OC90: variants seen among roughly 807,000 people sequenced by gnomAD.
The protein encoded by OC90 is otoconin 90, also known as otoconin-90.
In OC90, 46 loss-of-function variants were observed where a neutral mutation model predicts 47.3. That is an observed-to-expected ratio of 0.97 (90% CI 0.77 to 1.24). The LOEUF (loss-of-function observed/expected upper bound fraction) is 1.24. Ranked by LOEUF, OC90 falls within the 50% of genes most tolerant of loss-of-function variation. The pLI, the probability that OC90 is intolerant of heterozygous loss-of-function variation, is 0.00. For synonymous variants in OC90, 271 were observed against 219.5 expected (o/e 1.23, Z -2.07); for missense variants, 688 against 583.9 (o/e 1.18, Z -1.84).
At chr8:132,045,592 C>T (rs1308917182) in intron 3 of OC90, among the ~76,000 whole-genome samples, 2 of 152,154 alleles carry the variant, frequency 1.3e-5, no homozygotes, top group Admixed American at 1.3e-4. Flanking sequence ...TGACCTTTGT[C>T]TTTGACAGAA....
chr8:132,041,398 G>A, intron 5 of OC90, 127 bp downstream of exon 5: 1 of 779,974 alleles, frequency 1.3e-6, no homozygotes, highest in Non-Finnish European at 2.1e-6. Flanking sequence ...AGTAGGTAGT[G>A]GAATTAAACC....
At chr8:132,039,678 T>G (rs1414261645) in intron 6 of OC90, among the ~76,000 whole-genome samples, 1 of 152,102 alleles carries the variant, frequency 6.6e-6, no homozygotes, top group Non-Finnish European at 1.5e-5. Flanking sequence ...CACTCCCTCC[T>G]CATCAACCCA....
intron 6 of OC90, among the ~76,000 whole-genome samples, chr8:132,039,548 G>C (rs563681088): frequency 3.9e-4 from 60 of 152,196 alleles, no homozygotes; most frequent in African/African-American, 1.4e-3. Context: ...CCTTTATTCT[G>C]TTCAGAACGT....
At chr8:132,038,669 T>G (rs1478617059) in intron 8 of OC90, 121 bp downstream of exon 8, 4 of 780,976 alleles carry the variant, frequency 5.1e-6, no homozygotes, top group Non-Finnish European at 8.8e-6. Flanking sequence ...CAGGACCACT[T>G]CCAGTGTCAC....
intron 9 of OC90, chr8:132,036,544 G>A (rs1248695091): frequency 9.9e-6 from 7 of 707,468 alleles, no homozygotes; most frequent in African/African-American, 3.4e-5. Flanking sequence ...CAGGGCATAT[G>A]GCTGCACAAT....
At chr8:132,034,911 C>G (rs947550734) in intron 9 of OC90, 77 bp from the exon 10 acceptor site, 17 of 1,014,442 alleles carry the variant, frequency 1.7e-5, no homozygotes, top group Non-Finnish European at 2.5e-5. Context: ...GCTCTTCCCA[C>G]CCACTGCACA....
At position 132,029,188 on chromosome 8, in the gene OC90, A is replaced by C; in HGVS notation, c.1032-9T>G. On this transcript the variant is annotated splice_polypyrimidine_tract_variant and intron_variant, in intron 12 of 13. Transcript: ENST00000254627. ...GATGGGACAAGCAGCACCTAAGACC[A>C]AGGAAAACCCTTTACTTCTCAGAGC... The C allele has an allele frequency of 6.2e-7, 1 of 1,608,086 alleles. No homozygotes were observed. The highest frequency in any genetic ancestry group is 8.5e-7 in the Non-Finnish European group (1 of 1,174,624).
rs7386782 is a variant in OC90 at position 132,041,062 on chromosome 8, T to C, written c.439A>G (p.Ser147Gly). ...AKLSTEVNCV[S>G]KKIICESKDN... ...TGCTTACCACATATGATCTTCTTGC[T>C]GACACAATTGACCTCTGTGCTAAGT... Residue 147 changes from serine (S) to glycine (G), a missense_variant, in exon 6 of 14, where the codon AGC becomes GGC. Physicochemically the swap from Ser to Gly is moderately conservative, Grantham distance 56 (BLOSUM62 0). Transcript: ENST00000254627. 0.72 allele frequency: 1,148,826 copies of C among 1,597,024 alleles called. 414,573 individuals are homozygous for C. The highest frequency in any genetic ancestry group is 0.77 in the Admixed American group (45,957 of 59,956).
chr8:132,043,271 G>T (rs1319861594), intron 4 of OC90, among the ~76,000 whole-genome samples: 2 of 152,190 alleles, frequency 1.3e-5, no homozygotes, highest in Non-Finnish European at 2.9e-5. Context: ...GAAAGCATTT[G>T]TTTTGTCTGT....
rs144609860 is a variant in OC90 at position 132,041,952 on chromosome 8, T to C, written c.170-253A>G. Among the ~76,000 whole-genome samples the C allele has an allele frequency of 4.3e-3, 659 of 152,302 alleles. 5 individuals carry two copies. Among genetic ancestry groups the C allele is most frequent in the African/African-American group, 0.015 (633 of 41,558 alleles). On this transcript the variant is annotated intron_variant, in intron 4 of 13. Transcript: ENST00000254627. ...AGGTGAGCCTTCTACCTAAGTTCCT[T>C]AGGGTATTTCATAATCACTCTCAGC...
intron 2 of OC90, chr8:132,049,842 C>T (rs759664597): frequency 1.9e-6 from 1 of 518,306 alleles, no homozygotes; most frequent in Non-Finnish European, 3.9e-6. Context: ...TGTAATGTAT[C>T]ACAGATGATA....
Position 132,041,471 on chromosome 8 carries a change from G to A in OC90, c.344+54C>T, listed in dbSNP as rs1474855091. 4.6e-6 allele frequency: 7 copies of A among 1,511,864 alleles called. No homozygotes were observed. In the South Asian group the frequency reaches 8.7e-5, roughly 19 times the overall value. 93.7% of individuals were successfully genotyped at this position (1,511,864 alleles called of 1,614,324 possible). On this transcript the variant is annotated intron_variant, in intron 5 of 13. Coordinates refer to ENST00000254627, the MANE Select transcript of OC90 (RefSeq NM_001080399.3). ...TGTGCTCTTGCCAAGGTATCAGCCA[G>A]GCCTCCCATGAGCTCACTTTTTTTG...
chr8:132,029,221 T>A, intron 12 of OC90, 42 bp from the exon 13 acceptor site: 1 of 1,497,202 alleles, frequency 6.7e-7, no homozygotes, highest in South Asian at 1.1e-5. Context: ...AGCTCCTGGC[T>A]TCCCTAGGAA....
At chr8:132,047,152 T>G (rs1396145488) in intron 2 of OC90, among the ~76,000 whole-genome samples, 1 of 152,160 alleles carries the variant, frequency 6.6e-6, no homozygotes, top group East Asian at 1.9e-4. Flanking sequence ...TCCTTCCTAG[T>G]GGAGACAAAA....
chr8:132,038,622 G>T (rs1823004909), intron 8 of OC90, among the ~76,000 whole-genome samples, 168 bp downstream of exon 8: 1 of 152,188 alleles, frequency 6.6e-6, no homozygotes, highest in African/African-American at 2.4e-5. Context: ...TTTGAATTGG[G>T]TTTATCAGAA....
At chr8:132,028,563 A>AAAGGAAGGAAGGAAGGAAGGAAGGAAGG (rs869234363) in intron 13 of OC90, among the ~76,000 whole-genome samples, 8 of 31,386 alleles carry the variant, frequency 2.5e-4, no homozygotes, top group South Asian at 1.4e-3. Context: ...AGAAAGAAAG[A>AAAGGAAGGAAGGAAGGAAGGAAGGAAGG]AAGGAAGGAA....
intron 1 of OC90, among the ~76,000 whole-genome samples, chr8:132,058,875 C>G (rs1823311086): frequency 6.6e-6 from 1 of 152,086 alleles, no homozygotes; most frequent in South Asian, 2.1e-4. Flanking sequence ...TGCTCTCTGT[C>G]TGGCATTGCA....
At chr8:132,030,847 A>T (rs1822862330) in intron 12 of OC90, among the ~76,000 whole-genome samples, 2 of 152,188 alleles carry the variant, frequency 1.3e-5, no homozygotes, top group Non-Finnish European at 2.9e-5. Flanking sequence ...TGGGTAAAAA[A>T]CACAGCCACC....
intron 2 of OC90, among the ~76,000 whole-genome samples, chr8:132,053,176 C>T (rs1054462382): frequency 1.3e-5 from 2 of 152,076 alleles, no homozygotes; most frequent in African/African-American, 4.8e-5. Context: ...CCCAATCTGG[C>T]CTGGGTCAGG....
Sources: gnomAD v4.1 joint callset for allele counts (sites outside exome capture counted in the v4.1 genomes callset) on GRCh38, gnomAD v4.1.1 for gene constraint, MANE v1.5 for transcripts, NCBI Gene and HGNC (gene_info 2026-07-23, HGNC 2026-07-21) for gene names.